Variants in KANSL1 observed in about 807,000 individuals in gnomAD.
KANSL1 encodes KAT8 regulatory NSL complex subunit 1.
Under a neutral mutation model 103.6 loss-of-function variants are expected in KANSL1, and 22 were observed. The ratio of observed to expected loss-of-function variants is 0.21; its 90% CI spans 0.15 to 0.30. The LOEUF (loss-of-function observed/expected upper bound fraction) is 0.30, where lower values mean the gene tolerates loss of function less well. KANSL1 is among the 10% of genes least tolerant of loss of function. KANSL1 has a pLI of 1.00. For synonymous variants in KANSL1, 600 were observed against 527.6 expected (o/e 1.14, Z -1.88); for missense variants, 1,337 against 1,399.8 (o/e 0.96, Z 0.72).
chr17:46,190,014 A>G (rs1255902145), intron 1 of KANSL1, among the ~76,000 whole-genome samples: 1 of 152,194 alleles, frequency 6.6e-6, no homozygotes, highest in African/African-American at 2.4e-5. Flanking sequence ...CTTCTCAAAC[A>G]ACCACAACAC....
At chr17:46,079,590 T>C (rs1442032855) in intron 4 of KANSL1, among the ~76,000 whole-genome samples, 2 of 152,252 alleles carry the variant, frequency 1.3e-5, no homozygotes, top group East Asian at 3.8e-4. Flanking sequence ...ATCATATTCC[T>C]GCATTCTTCC....
chr17:46,098,347 G>A (rs1051079804), intron 2 of KANSL1, among the ~76,000 whole-genome samples: 2 of 152,110 alleles, frequency 1.3e-5, no homozygotes, highest in Non-Finnish European at 2.9e-5. Flanking sequence ...AACCCCAACA[G>A]CCTCCTTAGC....
chr17:46,209,117 A>T (rs2148014013), intron 1 of KANSL1, among the ~76,000 whole-genome samples: 1 of 151,896 alleles, frequency 6.6e-6, no homozygotes, highest in East Asian at 2.0e-4. Context: ...CGGGAGTCGG[A>T]GGTTGCAGTG....
At chr17:46,196,536 CCAA>C (rs1231629719), upstream of KANSL1, 1 of 428,068 alleles carries the variant, frequency 2.3e-6, no homozygotes, top group South Asian at 1.7e-5. Context: ...GAAGATGCCA[CCAA>C]CATCAAAGGG....
intron 7 of KANSL1, among the ~76,000 whole-genome samples, chr17:46,048,544 G>A (rs1387284383): frequency 6.6e-6 from 1 of 152,080 alleles, no homozygotes; most frequent in Non-Finnish European, 1.5e-5. Context: ...TACAGCCTGG[G>A]CAACAAAAGC....
chr17:46,141,500 T>C (rs2044420200), intron 2 of KANSL1, among the ~76,000 whole-genome samples: 1 of 152,242 alleles, frequency 6.6e-6, no homozygotes, highest in Non-Finnish European at 1.5e-5. Flanking sequence ...ATACTTTACA[T>C]TTATTTACAA....
intron 1 of KANSL1, among the ~76,000 whole-genome samples, chr17:46,186,327 G>A (rs1219281380): frequency 2.6e-5 from 4 of 151,346 alleles, no homozygotes; most frequent in Admixed American, 1.3e-4. Flanking sequence ...AGCTTGCAGT[G>A]AGCTGAGATC....
chr17:46,166,212 T>TAAAAAAAAAAA (rs2045989071), intron 2 of KANSL1, among the ~76,000 whole-genome samples: 1 of 63,234 alleles, frequency 1.6e-5, no homozygotes, highest in Non-Finnish European at 4.1e-5. Flanking sequence ...AGACTCTGTC[T>TAAAAAAAAAAA]CAAAAAAAAA....
At chr17:46,055,299 A>G (rs2077881341) in intron 6 of KANSL1, among the ~76,000 whole-genome samples, 2 of 151,874 alleles carry the variant, frequency 1.3e-5, no homozygotes, top group Non-Finnish European at 2.9e-5. Context: ...CCTCGTCTCT[A>G]CTAAAAATAC....
chr17:46,137,975 A>G (rs894401592), intron 2 of KANSL1, among the ~76,000 whole-genome samples: 9 of 152,252 alleles, frequency 5.9e-5, no homozygotes, highest in Non-Finnish European at 1.3e-4. Flanking sequence ...TTTGTTCTCA[A>G]GCCTCTCCAG....
Position 46,066,735 on chromosome 17 carries a change from A to G in KANSL1, c.1653-3T>C. 6.2e-7 allele frequency: 1 copy of G among 1,607,990 alleles called. No individual in the cohort carries two copies. ...GGTCTGCCAAGACAGGCTGAAGACT[A>G]TACAAGGGGAAGGAAGAGTATTCTC... On this transcript the variant is annotated splice_region_variant and splice_polypyrimidine_tract_variant and intron_variant, in intron 5 of 14. Coordinates refer to ENST00000432791, the MANE Select transcript of KANSL1 (RefSeq NM_015443.4).
chr17:46,094,582 T>A lies in KANSL1; in HGVS notation c.1409A>T (p.Tyr470Phe). 1 of 1,613,492 alleles carries A rather than the reference T, an allele frequency of 6.2e-7. No homozygotes were observed. Among genetic ancestry groups the A allele is most frequent in the African/African-American group, 1.3e-5 (1 of 75,020 alleles). ...TACCTTATTAGCACGTATCTGTTTG[T>A]AAATGTCTGTTTGCTGACGAATTCG... ...EYRIRQQTDI[Y>F]KQIRANKGLI... is the part of the protein sequence containing the mutation. Residue 470 changes from tyrosine (Y) to phenylalanine (F), a missense_variant, in exon 3 of 15, where the codon TAC (tyrosine) becomes TTC (phenylalanine). By Grantham distance (22) the Tyr-to-Phe change is conservative. This residue lies in a region of KANSL1 where 780 missense variants were observed against 923.4 expected (regional missense o/e 0.84). Transcript: ENST00000432791.
chr17:46,138,064 G>C (rs1028491751), intron 2 of KANSL1, among the ~76,000 whole-genome samples: 3 of 152,114 alleles, frequency 2.0e-5, no homozygotes, highest in Non-Finnish European at 4.4e-5. Flanking sequence ...AGTTAGCCAA[G>C]AATAGAAGCC....
At chr17:46,059,237 T>C (rs2078059006) in intron 6 of KANSL1, among the ~76,000 whole-genome samples, 1 of 152,168 alleles carries the variant, frequency 6.6e-6, no homozygotes, top group African/African-American at 2.4e-5. Context: ...GGTAGGAGGC[T>C]ACAAAGCTAA....
chr17:46,106,390 T>G (rs1417060268), intron 2 of KANSL1, among the ~76,000 whole-genome samples: 4 of 152,218 alleles, frequency 2.6e-5, no homozygotes, highest in Admixed American at 6.5e-5. Context: ...GACCATACTT[T>G]TTTTGTTTTG....
Position 46,200,060 on chromosome 17 carries a change from CA to C in KANSL1, c.-90+23610del, listed in dbSNP as rs1304581676. Among the ~76,000 whole-genome samples the C allele has an allele frequency of 1.8e-4, 27 of 151,952 alleles. 1 individual carries two copies. The highest frequency in any genetic ancestry group is 3.2e-3 in the Middle Eastern group (1 of 316). On this transcript the variant is annotated intron_variant, in intron 1 of 14. Transcript: ENST00000572904. ...GTTTACACACACACACACACACACA[CA>C]CACACCCTGATTATTTTGGTGAATT...
intron 1 of KANSL1, among the ~76,000 whole-genome samples, chr17:46,217,214 G>A (rs1198697543): frequency 4.0e-5 from 6 of 151,886 alleles, no homozygotes; most frequent in African/African-American, 1.2e-4. Context: ...AGTGGCTCAC[G>A]CCTGCAATCT....
intron 2 of KANSL1, among the ~76,000 whole-genome samples, chr17:46,148,577 C>T (rs971075170): frequency 6.6e-6 from 1 of 151,848 alleles, no homozygotes; most frequent in Non-Finnish European, 1.5e-5. Context: ...AATCACCATC[C>T]TCCTTCACTT....
At position 46,172,152 on chromosome 17, in the gene KANSL1, G is replaced by A. The variant is rs2046321866; in HGVS notation, c.-9C>T. On this transcript the variant is annotated 5_prime_UTR_variant, in exon 2 of 15. Coordinates refer to ENST00000432791, the MANE Select transcript of KANSL1 (RefSeq NM_015443.4). The stretch of plus-strand genomic sequence containing the variant: ...GGCGCCATCGCAGCCATTCAGCACA[G>A]AGAGACAGGAAGTCCAGCCTCTCCC... 1 of 1,600,184 alleles carries A rather than the reference G, an allele frequency of 6.2e-7. No homozygotes were observed. Among genetic ancestry groups the A allele is most frequent in the Non-Finnish European group, 8.5e-7 (1 of 1,179,162 alleles).
Sources: gnomAD v4.1 joint callset for allele counts (sites outside exome capture counted in the v4.1 genomes callset) on GRCh38, gnomAD v4.1.1 for gene constraint, gnomAD v4.1.1 regional missense constraint, MANE v1.5 for transcripts, NCBI Gene and HGNC (gene_info 2026-07-23, HGNC 2026-07-21) for gene names.